Variants in MYL4 observed in about 807,000 individuals in gnomAD.
The protein encoded by MYL4 is myosin light chain 4.
A neutral mutation model predicts 21.6 loss-of-function variants in MYL4; 16 were observed. That is an observed-to-expected ratio of 0.74 (90% CI 0.50 to 1.12). The LOEUF (loss-of-function observed/expected upper bound fraction) is 1.12. MYL4 is among the 50% of genes most tolerant of loss of function. The pLI is 0.00. For missense variants in MYL4, 249 were observed against 252.9 expected (o/e 0.98, Z 0.11); for synonymous variants, 82 against 95.7 (o/e 0.86, Z 0.83).
intron 5 of MYL4, 145 bp downstream of exon 5, chr17:47,222,602 G>A: frequency 1.4e-6 from 1 of 697,890 alleles, no homozygotes; most frequent in Non-Finnish European, 2.4e-6. Context: ...GTTCCATCTT[G>A]TGAGTGAACC....
Position 47,213,837 on chromosome 17 carries a change from A to G in MYL4, c.163+11A>G. The stretch of plus-strand genomic sequence containing the variant: ...CCGACCAGATTGAAGGTGAGTATGG[A>G]CAACCCCACCTCTCCGTCTCTATTG... On this transcript the variant is annotated intron_variant, in intron 2 of 6. Coordinates refer to ENST00000393450, the MANE Select transcript of MYL4 (RefSeq NM_002476.2). 6.2e-7 allele frequency: 1 copy of G among 1,613,850 alleles called. No individual in the cohort carries two copies. Among genetic ancestry groups the G allele is most frequent in the Non-Finnish European group, 8.5e-7 (1 of 1,179,728 alleles).
At chr17:47,208,367 G>C (rs562204145), upstream of MYL4, among the ~76,000 whole-genome samples, 2 of 152,218 alleles carry the variant, frequency 1.3e-5, no homozygotes, top group Non-Finnish European at 2.9e-5. Flanking sequence ...CAGGAAAGAC[G>C]AGGCTGCAGT....
chr17:47,218,388 G>A (rs2064830675), intron 2 of MYL4, among the ~76,000 whole-genome samples: 3 of 152,118 alleles, frequency 2.0e-5, no homozygotes, highest in South Asian at 4.1e-4. Context: ...GGCTTATACT[G>A]TTCATCTGCT....
chr17:47,199,278 G>T (rs1247082581), upstream of MYL4, among the ~76,000 whole-genome samples: 1 of 148,826 alleles, frequency 6.7e-6, no homozygotes, highest in Non-Finnish European at 1.5e-5. Flanking sequence ...ATTCCAGCTG[G>T]AGAGATAGAG....
At chr17:47,191,618 G>A in the MYL4 span, among the ~76,000 whole-genome samples, 2 of 152,014 alleles carry the variant, frequency 1.3e-5, no homozygotes, top group Non-Finnish European at 2.9e-5. Context: ...TTGCAGGTGC[G>A]CACCACCACG....
intron 3 of MYL4, 30 bp downstream of exon 3, chr17:47,220,083 C>T: frequency 6.3e-7 from 1 of 1,581,810 alleles, no homozygotes; most frequent in Admixed American, 1.8e-5. Flanking sequence ...AGACCTCTCC[C>T]AGGGTCAGGC....
At chr17:47,212,688 T>C (rs1231795136) in intron 1 of MYL4, among the ~76,000 whole-genome samples, 1 of 152,248 alleles carries the variant, frequency 6.6e-6, no homozygotes, top group Non-Finnish European at 1.5e-5. Flanking sequence ...ATGCAAATTG[T>C]TCATTGCAAA....
chr17:47,208,572 C>T (rs2064746849), upstream of MYL4, among the ~76,000 whole-genome samples: 1 of 151,798 alleles, frequency 6.6e-6, no homozygotes, highest in African/African-American at 2.4e-5. Flanking sequence ...CACACACACA[C>T]ACACACACAC....
upstream of MYL4, chr17:47,208,949 T>G (rs1248512291): frequency 5.4e-6 from 1 of 186,170 alleles, no homozygotes; most frequent in African/African-American, 2.4e-5. Flanking sequence ...GCTTAAAGGA[T>G]CTTGGCTTAG....
upstream of MYL4, among the ~76,000 whole-genome samples, chr17:47,196,176 C>T (rs1015866642): frequency 6.6e-5 from 10 of 151,994 alleles, no homozygotes; most frequent in South Asian, 2.1e-4. Context: ...GGCCCTGATC[C>T]GACAGAATTA....
In MYL4 at chr17:47,219,919, T is replaced by C. The variant is rs761664359; in HGVS notation, c.179T>C (p.Phe60Ser). The change falls in exon 3 of 7, where the codon TTT (phenylalanine) becomes TCT (serine). Residue 60 changes from phenylalanine to serine, a missense_variant. Physicochemically the swap from Phe to Ser is radical, Grantham distance 155. Transcript: ENST00000393450. The stretch of plus-strand genomic sequence containing the variant: ...CTCTCCACAGAGTTCAAAGAGGCCT[T>C]TTCATTGTTTGACCGGACCCCGACT... Reference protein sequence around the residue: ...ADQIEEFKEAFSLFDRTPTGE... With the variant: ...ADQIEEFKEASSLFDRTPTGE... 6.2e-7 allele frequency: 1 copy of C among 1,614,172 alleles called. No individual in the cohort carries two copies. The highest frequency in any genetic ancestry group is 8.5e-7 in the Non-Finnish European group (1 of 1,180,014).
intron 1 of MYL4, 44 bp downstream of exon 1, chr17:47,209,601 G>A: frequency 6.2e-7 from 1 of 1,614,172 alleles, no homozygotes; most frequent in Non-Finnish European, 8.5e-7. Context: ...GGATGACATT[G>A]AGAGTCCTTT....
At chr17:47,211,964 C>G (rs1310802507) in intron 1 of MYL4, among the ~76,000 whole-genome samples, 1 of 152,150 alleles carries the variant, frequency 6.6e-6, no homozygotes, top group African/African-American at 2.4e-5. Flanking sequence ...GTGGCTCACG[C>G]CTGTAATCTC....
At chr17:47,224,108 T>C (rs1233385539), downstream of MYL4, among the ~76,000 whole-genome samples, 10 of 152,326 alleles carry the variant, frequency 6.6e-5, no homozygotes, top group East Asian at 1.9e-3. Context: ...TACAAGTCAG[T>C]AGAGTGAGGT....
At chr17:47,207,264 T>C (rs780977960), upstream of MYL4, among the ~76,000 whole-genome samples, 2 of 152,088 alleles carry the variant, frequency 1.3e-5, no homozygotes, top group Non-Finnish European at 2.9e-5. Context: ...TGAGCGTGTA[T>C]AGGCTACAGG....
At chr17:47,209,642 G>T in intron 1 of MYL4, 85 bp downstream of exon 1, 1 of 1,604,018 alleles carries the variant, frequency 6.2e-7, no homozygotes, top group Non-Finnish European at 8.5e-7. Flanking sequence ...TACTTTATGT[G>T]GGCTGGACTG....
intron 2 of MYL4, among the ~76,000 whole-genome samples, chr17:47,218,634 A>G (rs1353148519): frequency 6.6e-6 from 1 of 152,054 alleles, no homozygotes; most frequent in Non-Finnish European, 1.5e-5. Flanking sequence ...AAAATACAAA[A>G]ATTAGCCAGG....
downstream of MYL4, among the ~76,000 whole-genome samples, chr17:47,224,000 G>A (rs112351803): frequency 1.4e-3 from 208 of 152,276 alleles, 1 homozygote; most frequent in African/African-American, 4.7e-3. Context: ...GGCTGAGGCA[G>A]GGACTCCTCC....
chr17:47,195,990 T>C (rs945404256), upstream of MYL4, among the ~76,000 whole-genome samples: 1 of 152,246 alleles, frequency 6.6e-6, no homozygotes, highest in Non-Finnish European at 1.5e-5. Flanking sequence ...ATTTGTTTAA[T>C]GAATGAATAG....
Sources: allele counts gnomAD v4.1 joint callset (sites outside exome capture counted in the v4.1 genomes callset), GRCh38; gene constraint gnomAD v4.1.1; transcripts MANE v1.5; gene names NCBI Gene and HGNC (gene_info 2026-07-23, HGNC 2026-07-21).